CEP112: variants seen among roughly 807,000 people sequenced by gnomAD.
The protein encoded by CEP112 is centrosomal protein of 112 kDa.
CEP112 carries 127 observed loss-of-function variants against 153.0 expected under a neutral mutation model. The ratio of observed to expected loss-of-function variants is 0.83; its 90% CI spans 0.72 to 0.96. The LOEUF (loss-of-function observed/expected upper bound fraction) is 0.96, where lower values mean the gene tolerates loss of function less well. Among genes scored for constraint, CEP112 ranks in the 40% least tolerant of loss-of-function variants. The pLI is 0.00. For synonymous variants in CEP112, 358 were observed against 374.4 expected, an observed-to-expected ratio of 0.96 and a Z score of 0.51; for missense variants, 1,089 against 1,101.2, an observed-to-expected ratio of 0.99 and a Z score of 0.16.
At chr17:65,639,924 G>A (rs1322712375) in intron 25 of CEP112, among the ~76,000 whole-genome samples, 4 of 130,858 alleles carry the variant, frequency 3.1e-5, no homozygotes, top group East Asian at 2.6e-4. Flanking sequence ...TGCAACCTCC[G>A]CGTCCCAAGT....
At chr17:65,916,800 G>C (rs769359978) in intron 19 of CEP112, among the ~76,000 whole-genome samples, 7 of 151,774 alleles carry the variant, frequency 4.6e-5, no homozygotes, top group Non-Finnish European at 8.8e-5. Flanking sequence ...TCCCTCCTGG[G>C]CCTCCTGAGT....
In CEP112 at chr17:66,024,147, T is replaced by C. The variant is rs952818942; in HGVS notation, c.1656+3354A>G. Among the ~76,000 whole-genome samples the C allele has an allele frequency of 2.0e-5, 3 of 152,252 alleles. No individual in the cohort carries two copies. In the East Asian group the frequency reaches 5.8e-4, roughly 29 times the overall value. On this transcript the variant is annotated intron_variant, in intron 16 of 26. Coordinates refer to ENST00000535342, the MANE Select transcript of CEP112 (RefSeq NM_001199165.4). ...CTAATGATAAAAACCTTCAACAAAT[T>C]AGGCATAGAAGGAATACACTTCAAA...
At chr17:66,025,112 T>C (rs2065147415) in intron 16 of CEP112, among the ~76,000 whole-genome samples, 1 of 152,078 alleles carries the variant, frequency 6.6e-6, no homozygotes, top group Non-Finnish European at 1.5e-5. Flanking sequence ...TGAATCCCTC[T>C]CTCACCATAT....
chr17:65,930,350 T>C (rs950922909), intron 18 of CEP112, among the ~76,000 whole-genome samples: 2 of 152,238 alleles, frequency 1.3e-5, no homozygotes, highest in Admixed American at 1.3e-4. Flanking sequence ...GGAACAAAGA[T>C]GTTCAGTGAA....
chr17:66,103,569 AG>A (rs1409332163), intron 6 of CEP112, among the ~76,000 whole-genome samples: 1 of 152,252 alleles, frequency 6.6e-6, no homozygotes, highest in African/African-American at 2.4e-5. Context: ...AAAGAGGCAG[AG>A]CAAAATGTTC....
In CEP112 at chr17:66,005,721, T is replaced by C; in HGVS notation, c.1705A>G (p.Lys569Glu). The change falls in exon 17 of 27, where the codon AAG becomes GAG. Residue 569 changes from lysine (K) to glutamate (E), a missense_variant. Coordinates refer to ENST00000535342, the MANE Select transcript of CEP112 (RefSeq NM_001199165.4). ...GCTTCCTCAAATTTATGAATTTTCT[T>C]TTGAGTATCTTCTTTTCCTTTATCA... The part of the protein sequence containing the change: ...ELDKGKEDTQ[K>E]KIHKFEEALK... The C allele has an allele frequency of 6.2e-7, 1 of 1,610,388 alleles. No individual in the cohort carries two copies. The highest frequency in any genetic ancestry group is 2.2e-5 in the East Asian group (1 of 44,638).
intron 4 of CEP112, among the ~76,000 whole-genome samples, chr17:66,150,190 G>A (rs1485460268): frequency 2.1e-5 from 3 of 142,838 alleles, no homozygotes; most frequent in African/African-American, 2.6e-5. Flanking sequence ...GTGAGCCACC[G>A]CGCCCGGCCT....
rs776738112 is a variant in CEP112 at position 66,096,641 on chromosome 17, T to G, written c.643-9A>C. On this transcript the variant is annotated splice_polypyrimidine_tract_variant and intron_variant, in intron 6 of 26. Transcript: ENST00000535342. ...TATCGAGGATTTTCTATCTGAAAAT[T>G]TAAAAATAAAACAAAATAAGGATTT... 6.4e-7 allele frequency: 1 copy of G among 1,550,770 alleles called. No homozygotes were observed. Among genetic ancestry groups the G allele is most frequent in the South Asian group, 1.2e-5 (1 of 85,930 alleles).
chr17:65,726,037 G>A (rs561973243), intron 23 of CEP112, among the ~76,000 whole-genome samples: 2 of 152,182 alleles, frequency 1.3e-5, no homozygotes, highest in African/African-American at 2.4e-5. Flanking sequence ...ATGAAGAAAC[G>A]AAAAGTGTGA....
At chr17:65,699,706 T>C (rs979870359) in intron 23 of CEP112, among the ~76,000 whole-genome samples, 5 of 152,116 alleles carry the variant, frequency 3.3e-5, no homozygotes, top group Admixed American at 6.5e-5. Context: ...TAGCACCCTA[T>C]AGCCTGGAAC....
intron 21 of CEP112, among the ~76,000 whole-genome samples, chr17:65,846,582 G>T (rs1229952459): frequency 6.6e-6 from 1 of 152,024 alleles, no homozygotes; most frequent in African/African-American, 2.4e-5. Context: ...GTTTTGTTTT[G>T]TTTTGAGACG....
intron 19 of CEP112, among the ~76,000 whole-genome samples, chr17:65,925,098 G>C (rs763975415): frequency 6.6e-6 from 1 of 152,128 alleles, no homozygotes; most frequent in Non-Finnish European, 1.5e-5. Flanking sequence ...ACGTGTGAAG[G>C]GCGGGACCAG....
chr17:65,791,737 T>G (rs1460969037), intron 21 of CEP112, among the ~76,000 whole-genome samples: 1 of 152,218 alleles, frequency 6.6e-6, no homozygotes, highest in Non-Finnish European at 1.5e-5. Flanking sequence ...CTTACTTTAA[T>G]GGTTTTAAAT....
intron 17 of CEP112, among the ~76,000 whole-genome samples, chr17:65,978,884 A>G (rs543494521): frequency 9.2e-5 from 14 of 152,214 alleles, no homozygotes; most frequent in African/African-American, 2.7e-4. Context: ...TTAAAGCAGT[A>G]TGTTTTTGTG....
intron 17 of CEP112, among the ~76,000 whole-genome samples, chr17:65,981,135 C>T (rs1312107900): frequency 6.6e-6 from 1 of 152,058 alleles, no homozygotes; most frequent in Non-Finnish European, 1.5e-5. Context: ...GGTTTCTTCA[C>T]ATACACCCTT....
intron 11 of CEP112, among the ~76,000 whole-genome samples, chr17:66,054,340 A>G (rs1403229794): frequency 6.6e-6 from 1 of 152,196 alleles, no homozygotes; most frequent in Non-Finnish European, 1.5e-5. Context: ...TGCACCTCAA[A>G]CAAGAAATTA....
chr17:65,935,259 C>A (rs1207965543), intron 18 of CEP112, among the ~76,000 whole-genome samples: 2 of 152,056 alleles, frequency 1.3e-5, no homozygotes, highest in Non-Finnish European at 2.9e-5. Context: ...ATAACAGCAC[C>A]TAAATATATA....
Position 65,799,661 on chromosome 17 carries a change from C to A in CEP112, c.2395-48937G>T, listed in dbSNP as rs561490112. On this transcript the variant is annotated intron_variant, in intron 21 of 26. Coordinates refer to ENST00000535342, the MANE Select transcript of CEP112 (RefSeq NM_001199165.4). ...TAAAGCAACTACAGTTCTGAGGAGG[C>A]AAAGGCAGTGAAAAGGGGCTATCTC... Among the ~76,000 whole-genome samples the A allele has an allele frequency of 6.6e-5, 10 of 152,284 alleles. No individual in the cohort carries two copies. The East Asian group carries it at 1.9e-3, about 29-fold the overall frequency.
At chr17:65,668,372 C>A (rs79653246) in intron 24 of CEP112, among the ~76,000 whole-genome samples, 3 of 152,212 alleles carry the variant, frequency 2.0e-5, no homozygotes, top group African/African-American at 4.8e-5. Flanking sequence ...TCAATATACA[C>A]GTTAAGCCTT....
Sources: gnomAD v4.1 joint callset for allele counts (sites outside exome capture counted in the v4.1 genomes callset) on GRCh38, gnomAD v4.1.1 for gene constraint, MANE v1.5 for transcripts, NCBI Gene and HGNC (gene_info 2026-07-23, HGNC 2026-07-21) for gene names.